RBBP6: variants seen among roughly 807,000 people sequenced by gnomAD.
RBBP6 encodes the protein RB binding protein 6, ubiquitin ligase.
Under a neutral mutation model 167.7 loss-of-function variants are expected in RBBP6, and 25 were observed. The observed-to-expected ratio is 0.15, with a 90% confidence interval of 0.11 to 0.21. The LOEUF (loss-of-function observed/expected upper bound fraction) is 0.21, where lower values mean the gene tolerates loss of function less well. Among genes scored for constraint, RBBP6 ranks in the 10% least tolerant of loss-of-function variants. The pLI is 1.00. For synonymous variants in RBBP6, 789 were observed against 735.8 expected, an observed-to-expected ratio of 1.07 and a Z score of -1.17; for missense variants, 1,868 against 2,134.2, an observed-to-expected ratio of 0.88 and a Z score of 2.46.
chr16:24,556,575 TC>T (rs910607153), intron 7 of RBBP6, 128 bp downstream of exon 7: 3 of 1,061,446 alleles, frequency 2.8e-6, no homozygotes. Flanking sequence ...GCCATTAGTC[TC>T]TACATCTTGC....
Position 24,561,994 on chromosome 16 carries a change from ATCT to A in RBBP6, c.1125_1127del (p.Ser377del), listed in dbSNP as rs1567276807. The A allele has an allele frequency of 1.9e-6, 3 of 1,613,668 alleles. No homozygotes were observed. Among genetic ancestry groups the A allele is most frequent in the Non-Finnish European group, 1.7e-6 (2 of 1,179,780 alleles). On this transcript the variant is annotated inframe_deletion, in exon 10 of 18. Transcript: ENST00000319715. The stretch of plus-strand genomic sequence containing the variant: ...AAGATCCTCTTATGATTCCAGTGAC[ATCT>A]TCATCAACTCACCCAGCTCCGTCTA...
In RBBP6 at chr16:24,543,126, G is replaced by A. The variant is rs528108339; in HGVS notation, c.166+2334G>A. Among the ~76,000 whole-genome samples, 170 of 152,136 alleles carry A rather than the reference G, an allele frequency of 1.1e-3. 1 individual carries two copies. The highest frequency in any genetic ancestry group is 2.3e-3 in the South Asian group (11 of 4,822). On this transcript the variant is annotated intron_variant, in intron 1 of 17. Transcript: ENST00000319715. The stretch of plus-strand genomic sequence containing the variant: ...TAGAATGCCATTTGGTTTTAGCACC[G>A]ATATTCAACATATTTACTAAAGAAA...
chr16:24,551,570 G>A (rs542822146), intron 3 of RBBP6, among the ~76,000 whole-genome samples: 5 of 151,632 alleles, frequency 3.3e-5, no homozygotes, highest in Non-Finnish European at 7.4e-5. Flanking sequence ...CCACTTCAAA[G>A]TCAATAAATA....
Position 24,571,770 on chromosome 16 carries a change from T to C in RBBP6, c.4704T>C (p.Asp1568=). 3.1e-6 allele frequency: 5 copies of C among 1,613,928 alleles called. No homozygotes were observed. Among genetic ancestry groups the C allele is most frequent in the Non-Finnish European group, 4.2e-6 (5 of 1,179,930 alleles). The change falls in exon 18 of 18, where the codon GAT becomes GAC. Residue 1568 remains aspartate (D), a synonymous_variant. Transcript: ENST00000319715. ...TKSVDKNPCK[D]REKHVLEARN... ...CTGTAGATAAAAATCCTTGTAAGGATCGTGAGAAGCATGTATTAGAAGCAA... is the reference window on the plus strand; with the variant it reads ...CTGTAGATAAAAATCCTTGTAAGGACCGTGAGAAGCATGTATTAGAAGCAA...
chr16:24,540,626 C>T lies in RBBP6; in HGVS notation c.-1C>T. On this transcript the variant is annotated 5_prime_UTR_variant, in exon 1 of 18. Coordinates refer to ENST00000319715, the MANE Select transcript of RBBP6 (RefSeq NM_006910.5). ...CTGAACCTTAGGAATCCCTTGGCAC[C>T]ATGTCCTGTGTGCATTATAAATTTT... 1 of 1,611,808 alleles carries T rather than the reference C, an allele frequency of 6.2e-7. No individual in the cohort carries two copies.
At chr16:24,541,046 T>A (rs1898472702) in intron 1 of RBBP6, among the ~76,000 whole-genome samples, 1 of 152,080 alleles carries the variant, frequency 6.6e-6, no homozygotes, top group Non-Finnish European at 1.5e-5. Flanking sequence ...TTCTTCTCGC[T>A]GTTTTTTAAA....
chr16:24,548,821 A>G (rs1898728564), intron 2 of RBBP6, 124 bp from the exon 3 acceptor site: 1 of 756,506 alleles, frequency 1.3e-6, no homozygotes, highest in South Asian at 1.9e-5. Context: ...TGGCTGTTAA[A>G]TATTTATACC....
chr16:24,540,818 T>G, intron 1 of RBBP6, 26 bp downstream of exon 1: 1 of 1,599,244 alleles, frequency 6.3e-7, no homozygotes, highest in Non-Finnish European at 8.5e-7. Flanking sequence ...TCTTAAGATA[T>G]TTGGTGGCTG....
chr16:24,571,529 G>C lies in RBBP6; in HGVS notation c.4463G>C (p.Arg1488Thr), dbSNP rs1480688001. 1.2e-6 allele frequency: 2 copies of C among 1,613,666 alleles called. No homozygotes were observed. The highest frequency in any genetic ancestry group is 1.3e-5 in the African/African-American group (1 of 74,994). ...AGAGAGTATTCAAGTTCCAAACGTAGAGATGAAAAGAATGAATTAACAAGA... is the reference window on the plus strand; with the variant it reads ...AGAGAGTATTCAAGTTCCAAACGTACAGATGAAAAGAATGAATTAACAAGA... ...DTREYSSSKR[R>T]DEKNELTRRK... The change falls in exon 18 of 18, where the codon AGA (arginine) becomes ACA (threonine). Residue 1488 changes from arginine to threonine, a missense_variant. Physicochemically the swap from Arg to Thr is moderately conservative, Grantham distance 71 (BLOSUM62 -1). Around this residue, in one of 7 missense-constraint regions of RBBP6, gnomAD observed 591 missense variants for 540.5 expected, o/e 1.09. Coordinates refer to ENST00000319715, the MANE Select transcript of RBBP6 (RefSeq NM_006910.5).
intron 3 of RBBP6, among the ~76,000 whole-genome samples, chr16:24,551,913 A>G (rs1898805893): frequency 1.3e-5 from 2 of 151,778 alleles, no homozygotes; most frequent in Non-Finnish European, 3.0e-5. Flanking sequence ...TTTAAAATAG[A>G]TTGAGTAGGT....
intron 1 of RBBP6, among the ~76,000 whole-genome samples, chr16:24,545,719 C>T (rs1394914004): frequency 6.6e-6 from 1 of 152,178 alleles, no homozygotes; most frequent in African/African-American, 2.4e-5. Flanking sequence ...ACCATTTTCT[C>T]TTTATTCATA....
At chr16:24,568,620 A>G in intron 16 of RBBP6, 125 bp from the exon 17 acceptor site, 1 of 1,348,488 alleles carries the variant, frequency 7.4e-7, no homozygotes, top group East Asian at 2.5e-5. Flanking sequence ...CTCTTTAATC[A>G]TCTAAGATGA....
chr16:24,545,724 T>C lies in RBBP6; in HGVS notation c.167-439T>C, dbSNP rs139573080. Among the ~76,000 whole-genome samples, 6 of 152,366 alleles carry C rather than the reference T, an allele frequency of 3.9e-5. No individual in the cohort carries two copies. In the East Asian group the frequency reaches 1.2e-3, roughly 29 times the overall value. On this transcript the variant is annotated intron_variant, in intron 1 of 17. Coordinates refer to ENST00000319715, the MANE Select transcript of RBBP6 (RefSeq NM_006910.5). ...TTATTAGAAAACCATTTTCTCTTTA[T>C]TCATAACGTCATAATTTAATTTTTA...
chr16:24,563,764 C>A, intron 13 of RBBP6, 100 bp downstream of exon 13: 1 of 1,043,368 alleles, frequency 9.6e-7, no homozygotes, highest in Non-Finnish European at 1.4e-6. Flanking sequence ...CCAAACTAGG[C>A]AGCGGGTCGC....
At chr16:24,544,336 T>C (rs1033520232) in intron 1 of RBBP6, among the ~76,000 whole-genome samples, 1 of 152,214 alleles carries the variant, frequency 6.6e-6, no homozygotes, top group Admixed American at 6.5e-5. Context: ...ATTATAGTCC[T>C]ACATTGGCAT....
chr16:24,563,165 A>G, intron 10 of RBBP6, 34 bp from the exon 11 acceptor site: 1 of 1,519,696 alleles, frequency 6.6e-7, no homozygotes, highest in Non-Finnish European at 9.0e-7. Context: ...ATTTCTGATA[A>G]TTTTTAATGT....
chr16:24,567,378 G>A lies in RBBP6; in HGVS notation c.1825G>A (p.Ala609Thr). ...VPPPGFPPAP[A>T]NLSTPWVSSG... ...TCCTCCAGGGTTTCCTCCAGCTCCT[G>A]CCAATTTATCAACACCTTGGGTATC... Residue 609 changes from alanine to threonine, a missense_variant, in exon 15 of 18, where the codon GCC becomes ACC. By Grantham distance (58) the Ala-to-Thr change is moderately conservative (BLOSUM62 0). Coordinates refer to ENST00000319715, the MANE Select transcript of RBBP6 (RefSeq NM_006910.5). The A allele has an allele frequency of 6.2e-7, 1 of 1,614,108 alleles. No individual in the cohort carries two copies. The highest frequency in any genetic ancestry group is 8.5e-7 in the Non-Finnish European group (1 of 1,180,020).
chr16:24,558,489 G>C, intron 7 of RBBP6: 1 of 984,534 alleles, frequency 1.0e-6, no homozygotes, highest in Non-Finnish European at 1.2e-6. Flanking sequence ...TTCTGGAATC[G>C]TGGTGATGTC....
In RBBP6 at chr16:24,567,336, G is replaced by A. The variant is rs199538396; in HGVS notation, c.1783G>A (p.Ala595Thr). Residue 595 changes from alanine to threonine, a missense_variant, in exon 15 of 18, where the codon GCT (alanine) becomes ACT (threonine). Ala to Thr is a moderately conservative substitution (Grantham distance 58). This residue lies in a region of RBBP6 where 145 missense variants were observed against 224.3 expected (regional missense o/e 0.65). Coordinates refer to ENST00000319715, the MANE Select transcript of RBBP6 (RefSeq NM_006910.5). ...GTTTCCTCCTGGCCAGCCACCACCC[G>A]CTGGGTATAGTGTCCCTCCTCCAGG... ...PQFPPGQPPPAGYSVPPPGFP... is the reference protein window; with the variant it reads ...PQFPPGQPPPTGYSVPPPGFP... 392 of 1,613,874 alleles carry A rather than the reference G, an allele frequency of 2.4e-4. No homozygotes were observed. Among genetic ancestry groups the A allele is most frequent in the Non-Finnish European group, 2.9e-4 (347 of 1,179,948 alleles).
Sources: gnomAD v4.1 joint callset for allele counts (sites outside exome capture counted in the v4.1 genomes callset) on GRCh38, gnomAD v4.1.1 for gene constraint, gnomAD v4.1.1 regional missense constraint, MANE v1.5 for transcripts, NCBI Gene and HGNC (gene_info 2026-07-23, HGNC 2026-07-21) for gene names.